The following TNPO3 variants were observed in gnomAD, a reference collection of about 807,000 sequenced individuals.
TNPO3 encodes transportin 3.
TNPO3 carries 65 observed loss-of-function variants against 122.8 expected under a neutral mutation model. The ratio of observed to expected loss-of-function variants is 0.53; its 90% confidence interval spans 0.43 to 0.65. The LOEUF is 0.65. Ranked by LOEUF, TNPO3 falls within the 30% of genes least tolerant of loss-of-function variation. The pLI is 0.00. For missense variants in TNPO3, 850 were observed against 1,136.7 expected, an observed-to-expected ratio of 0.75 and a Z score of 3.63; for synonymous variants, 372 against 411.2, an observed-to-expected ratio of 0.90 and a Z score of 1.15.
intron 12 of TNPO3, among the ~76,000 whole-genome samples, chr7:128,985,792 A>T (rs1406024662): frequency 6.6e-6 from 1 of 152,210 alleles, no homozygotes; most frequent in Non-Finnish European, 1.5e-5. Flanking sequence ...CCCAAGGTAC[A>T]AAAAGAAAAT....
chr7:129,014,865 C>G, intron 4 of TNPO3, 114 bp downstream of exon 4: 2 of 1,000,486 alleles, frequency 2.0e-6, no homozygotes, highest in African/African-American at 1.7e-5. Context: ...AATACCAAAG[C>G]ATCATCATTA....
chr7:129,030,764 T>C (rs1276669081), intron 1 of TNPO3, among the ~76,000 whole-genome samples: 1 of 152,174 alleles, frequency 6.6e-6, no homozygotes, highest in Non-Finnish European at 1.5e-5. Flanking sequence ...AGGTCACACA[T>C]TATATATGTT....
At position 128,982,328 on chromosome 7, in the gene TNPO3, A is replaced by C. The variant is rs1285581131; in HGVS notation, c.1783-4T>G. The C allele has an allele frequency of 1.9e-6, 3 of 1,612,188 alleles. No individual in the cohort carries two copies. Among genetic ancestry groups the C allele is most frequent in the Non-Finnish European group, 2.5e-6 (3 of 1,178,828 alleles). ...TGCTGGGCTCTTGAGACAACAGCTG[A>C]AGAGACAAAAGGACATTAACACCCA... On this transcript the variant is annotated splice_region_variant and splice_polypyrimidine_tract_variant and intron_variant, in intron 13 of 22. Transcript: ENST00000265388.
chr7:128,980,100 C>T (rs534386848), intron 14 of TNPO3, 69 bp from the exon 15 acceptor site: 1 of 1,351,342 alleles, frequency 7.4e-7, no homozygotes, highest in East Asian at 2.3e-5. Context: ...AGCCCTGATC[C>T]CTGCTTGCTT....
Position 128,975,810 on chromosome 7 carries a change from A to G in TNPO3, c.2178+9T>C, listed in dbSNP as rs562640541. The stretch of plus-strand genomic sequence containing the variant: ...CCTGATGCGTCTACACTCCTCATGG[A>G]AAAGATACCTGGAGCATGTCTAGCA... On this transcript the variant is annotated intron_variant, in intron 17 of 22. Transcript: ENST00000265388. 5 of 1,590,056 alleles carry G rather than the reference A, an allele frequency of 3.1e-6. No individual in the cohort carries two copies. The highest frequency in any genetic ancestry group is 4.3e-6 in the Non-Finnish European group (5 of 1,158,266).
At chr7:129,002,995 G>T (rs1422355487) in intron 5 of TNPO3, among the ~76,000 whole-genome samples, 1 of 142,450 alleles carries the variant, frequency 7.0e-6, no homozygotes, top group African/African-American at 2.6e-5. Context: ...AGCCAAGATG[G>T]CGCCACTGCA....
At position 128,972,417 on chromosome 7, in the gene TNPO3, T is replaced by A. The variant is rs772376423; in HGVS notation, c.2430+9A>T. 3.7e-6 allele frequency: 6 copies of A among 1,606,852 alleles called. No homozygotes were observed. The highest frequency in any genetic ancestry group is 5.1e-6 in the Non-Finnish European group (6 of 1,177,004). On this transcript the variant is annotated intron_variant, in intron 19 of 22. Coordinates refer to ENST00000265388, the MANE Select transcript of TNPO3 (RefSeq NM_012470.4). ...TGTTAAGTAGAAATGGTATCATTTT[T>A]ATACTTACATCATTGGCTACCCCTG...
chr7:128,972,269 T>A (rs752651611), intron 19 of TNPO3, among the ~76,000 whole-genome samples, 157 bp downstream of exon 19: 7 of 152,216 alleles, frequency 4.6e-5, no homozygotes, highest in African/African-American at 9.6e-5. Flanking sequence ...ACAAGTGTCT[T>A]AGTTGATATT....
chr7:128,983,085 G>A (rs969562125), intron 13 of TNPO3, among the ~76,000 whole-genome samples: 6 of 152,096 alleles, frequency 3.9e-5, no homozygotes, highest in African/African-American at 7.2e-5. Flanking sequence ...CCTTAAAAAC[G>A]GAGCTCTCAG....
intron 1 of TNPO3, among the ~76,000 whole-genome samples, chr7:129,035,536 G>C (rs1166004799): frequency 6.6e-6 from 1 of 152,016 alleles, no homozygotes; most frequent in Non-Finnish European, 1.5e-5. Context: ...CCATTTATTT[G>C]AGCCAGGAAG....
chr7:129,032,744 T>C (rs1237202652), intron 1 of TNPO3, among the ~76,000 whole-genome samples: 1 of 152,204 alleles, frequency 6.6e-6, no homozygotes, highest in East Asian at 1.9e-4. Context: ...GTTCACAGAC[T>C]AGAAGACTTA....
chr7:128,978,468 A>G (rs1799300479), intron 16 of TNPO3, among the ~76,000 whole-genome samples: 1 of 152,194 alleles, frequency 6.6e-6, no homozygotes, highest in South Asian at 2.1e-4. Flanking sequence ...CGCTTCACAG[A>G]ATTTCACAAT....
chr7:128,993,708 T>C (rs1800997273), intron 9 of TNPO3, 99 bp downstream of exon 9: 1 of 1,057,696 alleles, frequency 9.5e-7, no homozygotes. Context: ...ATTCAGCCAC[T>C]AAAATTGAAG....
intron 1 of TNPO3, 106 bp downstream of exon 1, chr7:129,054,545 A>G (rs1433032783): frequency 2.0e-6 from 3 of 1,515,812 alleles, no homozygotes; most frequent in Admixed American, 1.9e-5. Flanking sequence ...CTCCTCCCCA[A>G]GGAGGACCTC....
At chr7:129,055,807 G>T, upstream of TNPO3, 1 of 493,806 alleles carries the variant, frequency 2.0e-6, no homozygotes, top group Non-Finnish European at 3.6e-6. Context: ...CTGTACTATG[G>T]AGAAATTAGG....
intron 10 of TNPO3, 113 bp downstream of exon 10, chr7:128,991,886 G>GT (rs1800781224): frequency 1.7e-6 from 1 of 585,966 alleles, no homozygotes; most frequent in Non-Finnish European, 2.8e-6. Flanking sequence ...CACAACAGAA[G>GT]TAAGAAGTTC....
intron 21 of TNPO3, among the ~76,000 whole-genome samples, 159 bp downstream of exon 21, chr7:128,967,121 A>T (rs752889214): frequency 6.4e-4 from 98 of 152,364 alleles, no homozygotes; most frequent in Middle Eastern, 3.4e-3. Context: ...CATACACAGC[A>T]TGGTGAATGT....
At chr7:128,958,309 A>AGTTT in intron 21 of TNPO3, among the ~76,000 whole-genome samples, 1 of 151,806 alleles carries the variant, frequency 6.6e-6, no homozygotes, top group South Asian at 2.1e-4. Context: ...ACGCCCGACT[A>AGTTT]TTTTTTTGTA....
At chr7:128,986,591 G>T in intron 12 of TNPO3, 138 bp downstream of exon 12, 1 of 738,544 alleles carries the variant, frequency 1.4e-6, no homozygotes, top group Non-Finnish European at 2.2e-6. Flanking sequence ...CCCCTCTAGT[G>T]GAAAAGCCAT....
Sources: allele counts gnomAD v4.1 joint callset (sites outside exome capture counted in the v4.1 genomes callset), GRCh38; gene constraint gnomAD v4.1.1; transcripts MANE v1.5; gene names NCBI Gene and HGNC (gene_info 2026-07-23, HGNC 2026-07-21).